SLIT3: variants seen among roughly 807,000 people sequenced by gnomAD.
The protein encoded by SLIT3 is slit guidance ligand 3.
A neutral mutation model predicts 184.0 loss-of-function variants in SLIT3; 68 were observed. The ratio of observed to expected loss-of-function variants is 0.37; its 90% CI spans 0.30 to 0.45. SLIT3 has a LOEUF of 0.45. Among genes scored for constraint, SLIT3 ranks in the 20% least tolerant of loss-of-function variants. The probability of loss-of-function intolerance (pLI) is 1.00; values close to 1 mark genes in which losing one functional copy is unlikely to be tolerated. For synonymous variants in SLIT3, 831 were observed against 828.6 expected, an observed-to-expected ratio of 1.00 and a Z score of -0.05; for missense variants, 1,707 against 2,026.0, an observed-to-expected ratio of 0.84 and a Z score of 3.02.
intron 5 of SLIT3, chr5:168,844,930 A>G (rs1233715639): frequency 6.6e-5 from 29 of 440,654 alleles, no homozygotes; most frequent in African/African-American, 6.3e-4. Context: ...GGCAGAAGGG[A>G]GTAATTTCAT....
chr5:169,273,604 C>T (rs1308310733), intron 1 of SLIT3, among the ~76,000 whole-genome samples: 2 of 152,154 alleles, frequency 1.3e-5, no homozygotes, highest in African/African-American at 4.8e-5. Flanking sequence ...ATTTTAAAGG[C>T]CCCAGGTGAT....
intron 3 of SLIT3, among the ~76,000 whole-genome samples, chr5:169,230,027 T>G (rs1356113750): frequency 2.6e-5 from 4 of 152,206 alleles, no homozygotes; most frequent in Non-Finnish European, 5.9e-5. Context: ...GCTCACTGTA[T>G]AAGCATTTCA....
Position 168,920,437 on chromosome 5 carries a change from T to A in SLIT3, c.414-37101A>T, listed in dbSNP as rs373887859. Among the ~76,000 whole-genome samples the A allele has an allele frequency of 2.1e-4, 32 of 152,278 alleles. 1 individual carries two copies. In the East Asian group the frequency reaches 3.1e-3, roughly 15 times the overall value. ...CCACACACACCTGGGCTAATTTTGC[T>A]GAGAGCAGGGGCAACAACTTAACTA... is the stretch of plus-strand genomic sequence containing the variant. On this transcript the variant is annotated intron_variant, in intron 4 of 35. Transcript: ENST00000519560.
intron 4 of SLIT3, among the ~76,000 whole-genome samples, chr5:169,067,304 G>C (rs1355457720): frequency 6.6e-6 from 1 of 152,114 alleles, no homozygotes; most frequent in African/African-American, 2.4e-5. Flanking sequence ...TACTCAGGAG[G>C]CTGAGGCAGG....
chr5:168,745,041 C>T (rs1394485215), intron 20 of SLIT3, among the ~76,000 whole-genome samples: 1 of 152,176 alleles, frequency 6.6e-6, no homozygotes, highest in Non-Finnish European at 1.5e-5. Context: ...GCCATTTGAA[C>T]ATTTGTGATT....
intron 4 of SLIT3, among the ~76,000 whole-genome samples, chr5:169,084,248 A>C (rs925594084): frequency 6.6e-6 from 1 of 152,028 alleles, no homozygotes; most frequent in Non-Finnish European, 1.5e-5. Context: ...GCCATGGCTT[A>C]CATTCCAAAA....
At chr5:169,083,783 C>T (rs1337563218) in intron 4 of SLIT3, among the ~76,000 whole-genome samples, 1 of 152,152 alleles carries the variant, frequency 6.6e-6, no homozygotes, top group Non-Finnish European at 1.5e-5. Flanking sequence ...TTCCTCTTCC[C>T]AATTCTCAGC....
intron 4 of SLIT3, among the ~76,000 whole-genome samples, chr5:169,171,760 C>T (rs1215904142): frequency 2.0e-5 from 3 of 152,172 alleles, no homozygotes; most frequent in Non-Finnish European, 4.4e-5. Context: ...GAGGACTCAG[C>T]TGGGAAAAAT....
chr5:168,692,099 G>T (rs1489808694), intron 29 of SLIT3, among the ~76,000 whole-genome samples: 1 of 152,220 alleles, frequency 6.6e-6, no homozygotes, highest in Non-Finnish European at 1.5e-5. Context: ...TGGCCATGCT[G>T]CTGGACCACA....
intron 3 of SLIT3, among the ~76,000 whole-genome samples, chr5:169,236,854 A>G (rs1405486787): frequency 6.6e-6 from 1 of 152,200 alleles, no homozygotes; most frequent in East Asian, 1.9e-4. Context: ...TTGATATTAA[A>G]TAAAAGTACC....
At chr5:168,884,284 C>G (rs1472155016) in intron 4 of SLIT3, among the ~76,000 whole-genome samples, 1 of 151,478 alleles carries the variant, frequency 6.6e-6, no homozygotes, top group African/African-American at 2.4e-5. Flanking sequence ...AGGCCTCCTT[C>G]CAGGCTGTTC....
At chr5:168,699,069 C>T (rs748785803) in intron 27 of SLIT3, among the ~76,000 whole-genome samples, 1 of 152,160 alleles carries the variant, frequency 6.6e-6, no homozygotes, top group Non-Finnish European at 1.5e-5. Context: ...GGCTGGGGCC[C>T]CGTGGCCACC....
At chr5:169,065,976 A>G (rs938832701) in intron 4 of SLIT3, among the ~76,000 whole-genome samples, 1 of 152,212 alleles carries the variant, frequency 6.6e-6, no homozygotes, top group African/African-American at 2.4e-5. Context: ...TACTAGCAAA[A>G]AGTGTGCAAG....
intron 9 of SLIT3, among the ~76,000 whole-genome samples, chr5:168,803,787 A>C (rs1306421065): frequency 6.6e-6 from 1 of 152,164 alleles, no homozygotes; most frequent in African/African-American, 2.4e-5. Context: ...CAGGGAAGGA[A>C]AGGAACGATC....
chr5:168,776,672 A>C (rs1397807523), intron 12 of SLIT3, among the ~76,000 whole-genome samples: 1 of 152,130 alleles, frequency 6.6e-6, no homozygotes, highest in Non-Finnish European at 1.5e-5. Context: ...CCCCCCTGCA[A>C]ATTCCGATGC....
intron 20 of SLIT3, among the ~76,000 whole-genome samples, chr5:168,727,010 CA>C (rs56207322): frequency 4.1e-3 from 398 of 97,816 alleles, no homozygotes; most frequent in Admixed American, 0.015. Flanking sequence ...GACTGTGTCT[CA>C]AAAAAAAAAA....
chr5:168,979,031 G>A (rs1473154697), intron 4 of SLIT3, among the ~76,000 whole-genome samples: 1 of 152,172 alleles, frequency 6.6e-6, no homozygotes, highest in African/African-American at 2.4e-5. Context: ...GTAGGATGGG[G>A]ATGGAGGTTG....
At chr5:168,827,427 T>A (rs1757741704) in intron 6 of SLIT3, among the ~76,000 whole-genome samples, 1 of 152,174 alleles carries the variant, frequency 6.6e-6, no homozygotes, top group South Asian at 2.1e-4. Context: ...TTTTTGTTAC[T>A]CAACGATTTT....
At chr5:169,114,717 C>G (rs1412130937) in intron 4 of SLIT3, among the ~76,000 whole-genome samples, 1 of 152,218 alleles carries the variant, frequency 6.6e-6, no homozygotes, top group Non-Finnish European at 1.5e-5. Context: ...CTGTCCTCCT[C>G]CTTGGTGTTC....
Sources: gnomAD v4.1 joint callset for allele counts (sites outside exome capture counted in the v4.1 genomes callset) on GRCh38, gnomAD v4.1.1 for gene constraint, MANE v1.5 for transcripts, NCBI Gene and HGNC (gene_info 2026-07-23, HGNC 2026-07-21) for gene names.